HNF4A: variants seen among roughly 807,000 people sequenced by gnomAD.
The protein encoded by HNF4A is hepatocyte nuclear factor 4 alpha, also known as hepatocyte nuclear factor 4-alpha.
A neutral mutation model predicts 52.4 loss-of-function variants in HNF4A; 15 were observed. That is an observed-to-expected ratio of 0.29 (90% confidence interval 0.19 to 0.44). The LOEUF is 0.44. HNF4A is among the 20% of genes least tolerant of loss of function. HNF4A has a pLI of 1.00. For synonymous variants in HNF4A, 280 were observed against 264.4 expected (o/e 1.06, Z -0.57); for missense variants, 479 against 647.2 (o/e 0.74, Z 2.82).
intron 1 of HNF4A, chr20:44,402,439 C>T (rs763942692): frequency 1.2e-4 from 60 of 502,414 alleles, no homozygotes; most frequent in South Asian, 8.3e-4. Context: ...GTGCTGCGGG[C>T]GGGGGTCAGC....
chr20:44,356,936 T>G (rs1391636480), intron 1 of HNF4A, among the ~76,000 whole-genome samples: 1 of 152,176 alleles, frequency 6.6e-6, no homozygotes, highest in Non-Finnish European at 1.5e-5. Context: ...CCTCTTGCTT[T>G]CTTTCTGAAG....
intron 1 of HNF4A, among the ~76,000 whole-genome samples, chr20:44,402,173 T>C (rs2063418814): frequency 6.6e-6 from 1 of 152,114 alleles, no homozygotes; most frequent in Admixed American, 6.5e-5. Flanking sequence ...TATTTTCCTT[T>C]GTATTCATTG....
chr20:44,412,735 T>G (rs1269316639), intron 3 of HNF4A, among the ~76,000 whole-genome samples: 3 of 151,964 alleles, frequency 2.0e-5, no homozygotes, highest in African/African-American at 7.3e-5. Flanking sequence ...CAGGTCTGTT[T>G]GTCAGGATCA....
chr20:44,364,367 T>G (rs1257320892), intron 1 of HNF4A, among the ~76,000 whole-genome samples: 1 of 152,176 alleles, frequency 6.6e-6, no homozygotes, highest in Non-Finnish European at 1.5e-5. Context: ...AAATGAAATA[T>G]TTAATGGAGG....
chr20:44,429,400 T>C, intron 9 of HNF4A, 123 bp from the exon 10 acceptor site: 1 of 1,020,384 alleles, frequency 9.8e-7, no homozygotes, highest in East Asian at 2.4e-5. Context: ...TCTCATTTTA[T>C]AGAGGAAGAA....
upstream of HNF4A, among the ~76,000 whole-genome samples, chr20:44,399,448 C>G (rs889867538): frequency 6.6e-6 from 1 of 152,182 alleles, no homozygotes; most frequent in Admixed American, 6.5e-5. Context: ...TCTCCCCTTT[C>G]CCTACAGGCA....
At chr20:44,405,753 G>A (rs964013015) in intron 1 of HNF4A, among the ~76,000 whole-genome samples, 1 of 152,160 alleles carries the variant, frequency 6.6e-6, no homozygotes, top group Non-Finnish European at 1.5e-5. Flanking sequence ...TTAGGAGGCC[G>A]GCTCCCACCC....
At chr20:44,416,231 T>C (rs1239034962) in intron 5 of HNF4A, among the ~76,000 whole-genome samples, 2 of 152,218 alleles carry the variant, frequency 1.3e-5, no homozygotes, top group Admixed American at 1.3e-4. Flanking sequence ...GAGCCCAGCT[T>C]GCCCAATGCA....
At chr20:44,388,672 A>G (rs2063264391) in intron 1 of HNF4A, among the ~76,000 whole-genome samples, 1 of 152,136 alleles carries the variant, frequency 6.6e-6, no homozygotes. Context: ...TAAGTTTCTG[A>G]ACACCAGTTC....
chr20:44,368,160 A>ATATATATATATATATT (rs1200638153), intron 1 of HNF4A, among the ~76,000 whole-genome samples: 2 of 27,780 alleles, frequency 7.2e-5, no homozygotes, highest in African/African-American at 2.9e-4. Flanking sequence ...ATATATATAT[A>ATATATATATATATATT]TTTTTTTTTT....
chr20:44,419,172 A>G (rs1445876343), intron 6 of HNF4A, among the ~76,000 whole-genome samples: 1 of 152,228 alleles, frequency 6.6e-6, no homozygotes, highest in Admixed American at 6.5e-5. Context: ...TTCATGGCAT[A>G]GTTATTATTT....
Position 44,355,832 on chromosome 20 carries a change from G to C in HNF4A, c.28G>C (p.Ala10Pro), listed in dbSNP as rs1329019664. The C allele has an allele frequency of 1.9e-6, 3 of 1,613,496 alleles. No homozygotes were observed. Among genetic ancestry groups the C allele is most frequent in the Middle Eastern group, 1.6e-4 (1 of 6,084 alleles). Residue 10 changes from alanine to proline, a missense_variant, in exon 1 of 10, where the codon GCT (alanine) becomes CCT (proline). By Grantham distance (27) the Ala-to-Pro change is conservative (BLOSUM62 -1). Transcript: ENST00000316673. ...GGTCAGCGTGAACGCGCCCCTCGGG[G>C]CTCCAGTGGAGAGTTCTTACGGTAA...
chr20:44,384,159 C>CTTTTT (rs371586705), intron 1 of HNF4A, among the ~76,000 whole-genome samples: 3 of 125,558 alleles, frequency 2.4e-5, no homozygotes, highest in African/African-American at 8.9e-5. Context: ...CCCCTGGCTC[C>CTTTTT]TTTTTTTTTT....
chr20:44,421,621 G>T (rs1194597556), intron 7 of HNF4A, among the ~76,000 whole-genome samples: 1 of 151,764 alleles, frequency 6.6e-6, no homozygotes, highest in Non-Finnish European at 1.5e-5. Flanking sequence ...GTGTGTGGTG[G>T]TCCGTGCCTG....
intron 3 of HNF4A, among the ~76,000 whole-genome samples, chr20:44,412,852 G>A (rs548885114): frequency 8.0e-4 from 122 of 152,262 alleles, no homozygotes; most frequent in African/African-American, 2.7e-3. Flanking sequence ...AAATGCCTAC[G>A]GGTAGGGAAA....
chr20:44,381,033 T>C (rs373574355), intron 1 of HNF4A, among the ~76,000 whole-genome samples: 2 of 91,032 alleles, frequency 2.2e-5, no homozygotes, highest in East Asian at 4.5e-4. Flanking sequence ...CTTTTGCACC[T>C]GGTAGACGCT....
At chr20:44,356,301 T>A (rs2146130378) in intron 1 of HNF4A, among the ~76,000 whole-genome samples, 1 of 152,280 alleles carries the variant, frequency 6.6e-6, no homozygotes, top group South Asian at 2.1e-4. Context: ...GCACCTCCGT[T>A]GGCTCTGGAT....
At chr20:44,396,609 A>T (rs1208594505), upstream of HNF4A, among the ~76,000 whole-genome samples, 1 of 152,174 alleles carries the variant, frequency 6.6e-6, no homozygotes, top group Non-Finnish European at 1.5e-5. Context: ...GTGCTTGTTC[A>T]TGGCTGGGTG....
rs1331177634 is a variant in HNF4A, at chr20:44,379,728, TC to T, written c.49+23877del. 8.1e-3 allele frequency among the ~76,000 whole-genome samples: 1,150 copies of T among 141,212 alleles called. 12 individuals carry two copies. Among genetic ancestry groups the T allele is most frequent in the African/African-American group, 0.028 (1,076 of 38,168 alleles). The allele number at this position is 141,212 out of a possible 152,430, so 92.6% of individuals were successfully genotyped here. A position where few individuals can be genotyped will look rare whatever the true frequency, so the allele number is the denominator to read the frequency against. Reference sequence around the variant, plus strand: ...CATCACACCCGGATAATTTTTCTTTTCCTTTTTTTTTTTTTTTTTTTTTGAG... The same window carrying T: ...CATCACACCCGGATAATTTTTCTTTTCTTTTTTTTTTTTTTTTTTTTTGAG... On this transcript the variant is annotated intron_variant, in intron 1 of 9. Transcript: ENST00000316673.
Sources: gnomAD v4.1 joint callset for allele counts (sites outside exome capture counted in the v4.1 genomes callset) on GRCh38, gnomAD v4.1.1 for gene constraint, MANE v1.5 for transcripts, NCBI Gene and HGNC (gene_info 2026-07-23, HGNC 2026-07-21) for gene names.